The following FAM227A variants were observed in gnomAD, a reference collection of about 807,000 sequenced individuals.
The protein encoded by FAM227A is protein FAM227A.
A neutral mutation model predicts 74.7 loss-of-function variants in FAM227A; 80 were observed. That is an observed-to-expected ratio of 1.07 (90% CI 0.89 to 1.29). The LOEUF (loss-of-function observed/expected upper bound fraction) is 1.29, where lower values mean the gene tolerates loss of function less well. FAM227A is among the 50% of genes most tolerant of loss of function. The probability of loss-of-function intolerance (pLI) is 0.00; values close to 1 mark genes in which losing one functional copy is unlikely to be tolerated. For missense variants in FAM227A, 654 were observed against 683.4 expected, an observed-to-expected ratio of 0.96 and a Z score of 0.48; for synonymous variants, 237 against 241.8, an observed-to-expected ratio of 0.98 and a Z score of 0.19.
At chr22:38,615,824 TA>T (rs2091563947) in intron 11 of FAM227A, among the ~76,000 whole-genome samples, 1 of 152,004 alleles carries the variant, frequency 6.6e-6, no homozygotes, top group Non-Finnish European at 1.5e-5. Flanking sequence ...GTGCTACAAG[TA>T]AAAGAAAGGA....
chr22:38,613,425 T>TATAATTATATATTATATATTATACA (rs1555960391), intron 11 of FAM227A, among the ~76,000 whole-genome samples: 2 of 5,792 alleles, frequency 3.5e-4, no homozygotes, highest in African/African-American at 7.7e-4. Context: ...TATATATAAT[T>TATAATTATATATTATATATTATACA]TGTTTGTTTT....
At chr22:38,598,685 G>A (rs1157431268) in intron 14 of FAM227A, among the ~76,000 whole-genome samples, 2 of 152,142 alleles carry the variant, frequency 1.3e-5, no homozygotes, top group Admixed American at 6.6e-5. Context: ...TATCTGCCAG[G>A]CACTAGCCTT....
chr22:38,613,286 T>A (rs1192335091), intron 11 of FAM227A, among the ~76,000 whole-genome samples: 3 of 74,308 alleles, frequency 4.0e-5, no homozygotes, highest in Non-Finnish European at 7.2e-5. Context: ...ATATCATATA[T>A]AATATATATC....
chr22:38,619,276 G>A (rs1410305779), intron 11 of FAM227A, among the ~76,000 whole-genome samples: 1 of 152,178 alleles, frequency 6.6e-6, no homozygotes, highest in East Asian at 1.9e-4. Flanking sequence ...GCATTCTGGG[G>A]TGTGGAGGGT....
At chr22:38,636,345 T>C (rs1360595317) in intron 6 of FAM227A, 106 bp downstream of exon 6, 4 of 1,254,494 alleles carry the variant, frequency 3.2e-6, no homozygotes, top group Non-Finnish European at 4.4e-6. Context: ...CCTGCAAGCC[T>C]GTGGCCCTAG....
chr22:38,589,243 G>A (rs1476624304), intron 16 of FAM227A, among the ~76,000 whole-genome samples: 3 of 152,136 alleles, frequency 2.0e-5, no homozygotes, highest in African/African-American at 7.2e-5. Flanking sequence ...ACGAAGCTAG[G>A]GAGAGGCAAA....
chr22:38,616,712 G>C (rs1269890168), intron 11 of FAM227A, among the ~76,000 whole-genome samples: 1 of 151,798 alleles, frequency 6.6e-6, no homozygotes, highest in Admixed American at 6.6e-5. Flanking sequence ...GGGAGCAAAA[G>C]ATGGGGATGT....
At chr22:38,632,180 T>G (rs1415938060) in intron 6 of FAM227A, among the ~76,000 whole-genome samples, 1 of 152,110 alleles carries the variant, frequency 6.6e-6, no homozygotes, top group African/African-American at 2.4e-5. Context: ...GAGTCTGCAG[T>G]GTAGTGAAGG....
chr22:38,619,624 TG>T (rs772947264), intron 11 of FAM227A, among the ~76,000 whole-genome samples: 36 of 152,106 alleles, frequency 2.4e-4, no homozygotes, highest in Non-Finnish European at 4.7e-4. Context: ...GTGCCTGGCC[TG>T]GAAGTAGGGT....
chr22:38,615,241 T>G (rs2091550849), intron 11 of FAM227A, among the ~76,000 whole-genome samples: 1 of 152,226 alleles, frequency 6.6e-6, no homozygotes, highest in Admixed American at 6.5e-5. Flanking sequence ...CAGACTGGTC[T>G]TGAACTCCTG....
chr22:38,582,263 T>C lies in FAM227A; in HGVS notation c.*3862A>G. ...CTATCCCTCCTGTTCTTCAGGAAAC[T>C]GTATGTTCTAAAACATACATTTCAT... is the stretch of plus-strand genomic sequence containing the variant. On this transcript the variant is annotated 3_prime_UTR_variant, in exon 17 of 17. Transcript: ENST00000535113. The C allele has an allele frequency of 7.2e-7, 1 of 1,385,982 alleles. No homozygotes were observed. Among genetic ancestry groups the C allele is most frequent in the South Asian group, 1.3e-5 (1 of 77,920 alleles). 85.9% of individuals were successfully genotyped at this position (1,385,982 alleles called of 1,614,324 possible).
intron 9 of FAM227A, among the ~76,000 whole-genome samples, chr22:38,625,943 CAAAAAAAAAA>C (rs141715277): frequency 1.4e-5 from 1 of 71,544 alleles, no homozygotes; most frequent in African/African-American, 4.6e-5. Context: ...ACTCTATCTC[CAAAAAAAAAA>C]AAAAAAAAAG....
chr22:38,611,669 T>G (rs1569205143), intron 11 of FAM227A, among the ~76,000 whole-genome samples: 1 of 152,086 alleles, frequency 6.6e-6, no homozygotes, highest in Non-Finnish European at 1.5e-5. Context: ...GTAGGTCTCC[T>G]GGCACCAAGC....
At chr22:38,628,676 T>C (rs2091857851) in intron 7 of FAM227A, among the ~76,000 whole-genome samples, 158 bp downstream of exon 7, 1 of 152,076 alleles carries the variant, frequency 6.6e-6, no homozygotes, top group African/African-American at 2.4e-5. Context: ...ACAGGGTGTG[T>C]GGCTGAGGCA....
chr22:38,613,328 T>C (rs1266908066), intron 11 of FAM227A, among the ~76,000 whole-genome samples: 8 of 67,094 alleles, frequency 1.2e-4, no homozygotes, highest in African/African-American at 2.4e-4. Context: ...ATATATATCA[T>C]ATATAATATA....
At chr22:38,617,834 AAAAT>A (rs1383321546) in intron 11 of FAM227A, among the ~76,000 whole-genome samples, 3 of 152,102 alleles carry the variant, frequency 2.0e-5, no homozygotes, top group Non-Finnish European at 4.4e-5. Context: ...TTCTCTATTA[AAAAT>A]TCATGGTGAC....
At chr22:38,624,441 T>C (rs1347938586) in intron 9 of FAM227A, among the ~76,000 whole-genome samples, 1 of 151,928 alleles carries the variant, frequency 6.6e-6, no homozygotes, top group Non-Finnish European at 1.5e-5. Context: ...ACAGCAGGCC[T>C]GAGACTGCTA....
At chr22:38,635,228 C>CAAAAA (rs34498896) in intron 6 of FAM227A, among the ~76,000 whole-genome samples, 1 of 67,434 alleles carries the variant, frequency 1.5e-5, no homozygotes. Flanking sequence ...GACTCTGTCT[C>CAAAAA]AAAAAAAAAA....
rs545364327 is a variant in FAM227A, at chr22:38,582,079, T to C, written c.*4046A>G. The C allele has an allele frequency of 7.8e-6, 3 of 383,576 alleles. No homozygotes were observed. In the East Asian group the frequency reaches 1.3e-4, roughly 17 times the overall value. The allele number at this position is 383,576 out of a possible 1,614,324, so 23.8% of individuals were successfully genotyped here. A position where few individuals can be genotyped will look rare whatever the true frequency, so the allele number is the denominator to read the frequency against. On this transcript the variant is annotated 3_prime_UTR_variant, in exon 17 of 17. Coordinates refer to ENST00000535113, the MANE Select transcript of FAM227A (RefSeq NM_001013647.2). ...TAACAAAGCTTTATCGAAGTATAAT[T>C]GACATATGAGAAACTGCACACATTT...
Sources: allele counts gnomAD v4.1 joint callset (sites outside exome capture counted in the v4.1 genomes callset), GRCh38; gene constraint gnomAD v4.1.1; transcripts MANE v1.5; gene names NCBI Gene and HGNC (gene_info 2026-07-23, HGNC 2026-07-21).